The following NAV3 variants were observed in gnomAD, a reference collection of about 807,000 sequenced individuals.
NAV3 encodes pore membrane and/or filament interacting like protein 1.
In NAV3, 87 loss-of-function variants were observed where a neutral mutation model predicts 244.7. That is an observed-to-expected ratio of 0.36 (90% CI 0.30 to 0.42). NAV3 has a LOEUF of 0.42. Ranked by LOEUF, NAV3 falls within the 20% of genes least tolerant of loss-of-function variation. NAV3 has a pLI of 1.00. For synonymous variants in NAV3, 1,126 were observed against 1,042.2 expected (o/e 1.08, Z -1.55); for missense variants, 2,663 against 2,893.3 (o/e 0.92, Z 1.83).
intron 30 of NAV3, among the ~76,000 whole-genome samples, chr12:78,181,336 T>A (rs1958489652): frequency 6.6e-6 from 1 of 152,090 alleles, no homozygotes; most frequent in East Asian, 1.9e-4. Flanking sequence ...CTCTCAGTGA[T>A]GATAATTAGT....
At chr12:77,691,841 A>G (rs1055871310) in intron 2 of NAV3, among the ~76,000 whole-genome samples, 6 of 151,900 alleles carry the variant, frequency 3.9e-5, no homozygotes, top group African/African-American at 1.4e-4. Context: ...TAAATGGAGG[A>G]TTTGGGATTT....
chr12:78,137,587 A>G lies in NAV3; in HGVS notation c.4630+222A>G, dbSNP rs896375081. Among the ~76,000 whole-genome samples, 16 of 152,212 alleles carry G rather than the reference A, an allele frequency of 1.1e-4. 2 individuals are homozygous for G. The highest frequency in any genetic ancestry group is 9.8e-4 in the Admixed American group (15 of 15,276). The stretch of plus-strand genomic sequence containing the variant: ...TTTGTTTATATTAATACTTGGCTGT[A>G]GAAGAGTTTAGACTAAATCTACTTT... On this transcript the variant is annotated intron_variant, in intron 19 of 39. Transcript: ENST00000397909.
chr12:77,848,581 T>A (rs990603800), intron 1 of NAV3, among the ~76,000 whole-genome samples: 5 of 152,246 alleles, frequency 3.3e-5, no homozygotes, highest in Non-Finnish European at 7.3e-5. Context: ...TTTTCTCTGC[T>A]GGATATAGTC....
intron 38 of NAV3, among the ~76,000 whole-genome samples, chr12:78,202,284 C>T (rs939872572): frequency 3.0e-4 from 45 of 151,740 alleles, no homozygotes; most frequent in African/African-American, 9.9e-4. Context: ...GTTAATATTT[C>T]GATACATTAT....
At chr12:77,920,521 T>G (rs1437604062) in intron 1 of NAV3, among the ~76,000 whole-genome samples, 1 of 152,018 alleles carries the variant, frequency 6.6e-6, no homozygotes, top group Non-Finnish European at 1.5e-5. Context: ...AAAAAACCCT[T>G]CATGACAATT....
intron 2 of NAV3, among the ~76,000 whole-genome samples, chr12:77,600,784 G>A (rs1366786134): frequency 1.3e-5 from 2 of 151,902 alleles, no homozygotes; most frequent in African/African-American, 4.8e-5. Flanking sequence ...AGGGGTGAAG[G>A]GTCCAACTCA....
intron 2 of NAV3, among the ~76,000 whole-genome samples, chr12:77,712,610 T>C (rs975608777): frequency 1.3e-5 from 2 of 152,288 alleles, no homozygotes; most frequent in Middle Eastern, 3.4e-3. Flanking sequence ...ACCCAATGGT[T>C]CTTATAGTCT....
chr12:78,195,155 C>T (rs1959147370), intron 34 of NAV3, among the ~76,000 whole-genome samples: 1 of 151,922 alleles, frequency 6.6e-6, no homozygotes, highest in African/African-American at 2.4e-5. Flanking sequence ...AGCAAACAAA[C>T]ATATCAATGT....
chr12:78,123,854 G>A (rs1446497261), intron 16 of NAV3, among the ~76,000 whole-genome samples: 1 of 152,120 alleles, frequency 6.6e-6, no homozygotes, highest in Non-Finnish European at 1.5e-5. Flanking sequence ...CACCTAAAAT[G>A]TCGGGCTTCC....
chr12:77,671,715 G>A (rs1311536346), intron 2 of NAV3, among the ~76,000 whole-genome samples: 4 of 152,052 alleles, frequency 2.6e-5, no homozygotes, highest in African/African-American at 4.8e-5. Context: ...CACATGTAGA[G>A]AATGATACTG....
At chr12:77,588,556 GAT>G (rs2136706327) in intron 2 of NAV3, among the ~76,000 whole-genome samples, 1 of 152,202 alleles carries the variant, frequency 6.6e-6, no homozygotes, top group South Asian at 2.1e-4. Context: ...ATTTTTCATG[GAT>G]ACCTTTTGTT....
At chr12:78,069,677 T>C (rs1313709663) in intron 12 of NAV3, among the ~76,000 whole-genome samples, 1 of 152,068 alleles carries the variant, frequency 6.6e-6, no homozygotes, top group African/African-American at 2.4e-5. Context: ...CTGATTTATA[T>C]GCAGAACAAT....
rs925861553 is a variant in NAV3 at position 78,154,315 on chromosome 12, AT to A, written c.4786-4887del. On this transcript the variant is annotated intron_variant, in intron 22 of 39. Transcript: ENST00000397909. ...TATATATTACTATATAATATATAGT[AT>A]ATATATAGTATATATTATATAGTAA... Among the ~76,000 whole-genome samples the A allele has an allele frequency of 5.5e-3, 737 of 133,052 alleles. 7 individuals are homozygous for A. Among genetic ancestry groups the A allele is most frequent in the Non-Finnish European group, 7.0e-3 (433 of 61,784 alleles). The allele number at this position is 133,052 out of a possible 152,430, so 87.3% of individuals were successfully genotyped here. A position where few individuals can be genotyped will look rare whatever the true frequency, so the allele number is the denominator to read the frequency against.
intron 9 of NAV3, among the ~76,000 whole-genome samples, chr12:78,034,665 A>G (rs1388597935): frequency 2.0e-5 from 3 of 152,244 alleles, no homozygotes; most frequent in Non-Finnish European, 4.4e-5. Context: ...TAGCATATAT[A>G]CTAGTGTAAC....
rs374271216 is a variant in NAV3, at chr12:78,208,433, G to A, written c.7039-1965G>A. On this transcript the variant is annotated intron_variant, in intron 39 of 39. Transcript: ENST00000397909. ...GATATATCACACGCAAACCATAGCA[G>A]TGAGTGTGGGGAAGAAGTGGGGAAG... Among the ~76,000 whole-genome samples the A allele has an allele frequency of 9.8e-5, 15 of 152,286 alleles. No homozygotes were observed. In the South Asian group the frequency reaches 1.9e-3, roughly 19 times the overall value.
intron 1 of NAV3, among the ~76,000 whole-genome samples, chr12:77,930,489 A>T (rs1888676947): frequency 6.6e-6 from 1 of 151,546 alleles, no homozygotes; most frequent in African/African-American, 2.4e-5. Context: ...TCCGTATACA[A>T]TTTTCCTTAT....
intron 1 of NAV3, among the ~76,000 whole-genome samples, chr12:77,878,899 G>A (rs564384105): frequency 9.9e-5 from 15 of 151,874 alleles, no homozygotes; most frequent in Admixed American, 5.9e-4. Flanking sequence ...ACTAATCTTC[G>A]TACCAACCTC....
intron 16 of NAV3, among the ~76,000 whole-genome samples, chr12:78,125,836 CTCT>C (rs1463111549): frequency 6.6e-6 from 1 of 152,056 alleles, no homozygotes; most frequent in African/African-American, 2.4e-5. Context: ...CATTAAATTG[CTCT>C]TCATCATATA....
At chr12:78,022,191 T>C (rs983671048) in intron 9 of NAV3, among the ~76,000 whole-genome samples, 2 of 152,172 alleles carry the variant, frequency 1.3e-5, no homozygotes, top group African/African-American at 4.8e-5. Flanking sequence ...TCTCCATGGC[T>C]AATGCAGCCT....
Sources: allele counts gnomAD v4.1 joint callset (sites outside exome capture counted in the v4.1 genomes callset), GRCh38; gene constraint gnomAD v4.1.1; transcripts MANE v1.5; gene names NCBI Gene and HGNC (gene_info 2026-07-23, HGNC 2026-07-21).